The following MYBPH variants were observed in gnomAD, a reference collection of about 807,000 sequenced individuals.
The protein encoded by MYBPH is myosin binding protein H.
In MYBPH, 49 loss-of-function variants were observed where a neutral mutation model predicts 53.6. That is an observed-to-expected ratio of 0.91 (90% CI 0.73 to 1.16). The LOEUF (loss-of-function observed/expected upper bound fraction) is 1.16, where lower values mean the gene tolerates loss of function less well. MYBPH is among the 50% of genes most tolerant of loss of function. The probability of loss-of-function intolerance (pLI) is 0.00; values close to 1 mark genes in which losing one functional copy is unlikely to be tolerated. For synonymous variants in MYBPH, 239 were observed against 249.6 expected (o/e 0.96, Z 0.40); for missense variants, 558 against 624.1 (o/e 0.89, Z 1.13).
chr1:203,177,860 G>A (rs989808034), upstream of MYBPH, among the ~76,000 whole-genome samples: 4 of 152,202 alleles, frequency 2.6e-5, no homozygotes, highest in African/African-American at 9.6e-5. Context: ...TGAAATGCCG[G>A]GTACCCCCTC....
chr1:203,170,252 GGA>G, intron 7 of MYBPH, 37 bp downstream of exon 7: 1 of 1,611,072 alleles, frequency 6.2e-7, no homozygotes. Flanking sequence ...GCAGAGACAG[GGA>G]GAGAGTTAGC....
rs376686401 is a variant in MYBPH, at chr1:203,175,761, G to T, written c.-6C>A. 2 of 1,613,590 alleles carry T rather than the reference G, an allele frequency of 1.2e-6. No homozygotes were observed. The highest frequency in any genetic ancestry group is 2.7e-5 in the African/African-American group (2 of 74,914). ...GAGGTGTTTTTTTCCATCATTGCTG[G>T]ACTGGCTGGGGGGCCAGGGTGGAGT... On this transcript the variant is annotated 5_prime_UTR_variant, in exon 1 of 11. Coordinates refer to ENST00000255416, the MANE Select transcript of MYBPH (RefSeq NM_004997.3).
At position 203,171,453 on chromosome 1, in the gene MYBPH, A is replaced by G; in HGVS notation, c.723T>C (p.Ser241=). The G allele has an allele frequency of 2.5e-6, 4 of 1,614,024 alleles. No homozygotes were observed. The highest frequency in any genetic ancestry group is 3.4e-6 in the Non-Finnish European group (4 of 1,180,036). The change falls in exon 5 of 11, where the codon TCT becomes TCC. Residue 241 remains serine (S), a synonymous_variant. Transcript: ENST00000255416. This position sits in a 1 kb window ranked among gnomAD's most constrained non-coding sequence, Gnocchi z 4.2. ...LFIRSAQRSD[S]GRYELTVRVE... The stretch of plus-strand genomic sequence containing the variant: ...CGCGCACAGTGAGCTCGTAGCGGCC[A>G]GAGTCGGAGCGCTGGGCCGAGCGAA...
upstream of MYBPH, chr1:203,175,959 G>T (rs1436967111): frequency 8.5e-6 from 5 of 591,132 alleles, no homozygotes; most frequent in South Asian, 6.1e-5. Flanking sequence ...AATAGCTCTG[G>T]GGGAGGAACC....
In MYBPH at chr1:203,171,169, G is replaced by A. The variant is rs777879709; in HGVS notation, c.825C>T (p.Leu275=). 8 of 1,610,772 alleles carry A rather than the reference G, an allele frequency of 5.0e-6. No homozygotes were observed. In the East Asian group the frequency reaches 1.3e-4, roughly 27 times the overall value. The change falls in exon 6 of 11, where the codon CTC becomes CTT. Residue 275 remains leucine (L), a synonymous_variant. Transcript: ENST00000255416. This position sits in a 1 kb window ranked among gnomAD's most constrained non-coding sequence, Gnocchi z 4.2. ...CAGCATTGCAGCCCCAGACGTCCAG[G>A]AGCCTGATGCTGCTGGGGGGTCCAG... ...EKPGPPSSIR[L]LDVWGCNAAL...
chr1:203,171,348 C>T lies in MYBPH; in HGVS notation c.793+35G>A. 1 of 1,590,566 alleles carries T rather than the reference C, an allele frequency of 6.3e-7. No homozygotes were observed. Among genetic ancestry groups the T allele is most frequent in the Non-Finnish European group, 8.6e-7 (1 of 1,165,490 alleles). On this transcript the variant is annotated intron_variant, in intron 5 of 10. Coordinates refer to ENST00000255416, the MANE Select transcript of MYBPH (RefSeq NM_004997.3). The surrounding 1 kb of genome is among the most constrained non-coding windows in gnomAD (Gnocchi z 4.2). Reference sequence around the variant, plus strand: ...GATAGGAGGTTGGGGGCTCCAGGTCCCCCATGAGACAGCACTGTTCCCCTG... The same window carrying T: ...GATAGGAGGTTGGGGGCTCCAGGTCTCCCATGAGACAGCACTGTTCCCCTG...
upstream of MYBPH, among the ~76,000 whole-genome samples, chr1:203,176,483 T>C (rs1190719186): frequency 2.0e-5 from 3 of 152,208 alleles, no homozygotes; most frequent in African/African-American, 4.8e-5. Context: ...TGATGCCTGC[T>C]GTGGGCCTCA....
In MYBPH at chr1:203,171,149, T is replaced by C. The variant is rs925901369; in HGVS notation, c.845A>G (p.Asn282Ser). ...SIRLLDVWGC[N>S]AALQWTPPQD... is the part of the protein sequence containing the mutation. ...GGGTGGCGTCCACTGAAGAGCAGCA[T>C]TGCAGCCCCAGACGTCCAGGAGCCT... The change falls in exon 6 of 11, where the codon AAT becomes AGT. Residue 282 changes from asparagine to serine, a missense_variant. Asn to Ser is a conservative substitution (Grantham distance 46, BLOSUM62 1). Coordinates refer to ENST00000255416, the MANE Select transcript of MYBPH (RefSeq NM_004997.3). This position sits in a 1 kb window ranked among gnomAD's most constrained non-coding sequence, Gnocchi z 4.2. The C allele has an allele frequency of 1.2e-6, 2 of 1,613,342 alleles. No homozygotes were observed. Among genetic ancestry groups the C allele is most frequent in the Non-Finnish European group, 1.7e-6 (2 of 1,179,610 alleles).
At chr1:203,175,199 C>T in intron 2 of MYBPH, 128 bp downstream of exon 2, 1 of 1,200,598 alleles carries the variant, frequency 8.3e-7, no homozygotes, top group Middle Eastern at 2.1e-4. Flanking sequence ...GGTTGAGGAG[C>T]CTACTGCTCG....
Position 203,174,602 on chromosome 1 carries a change from G to T in MYBPH, c.341-5C>A. On this transcript the variant is annotated splice_region_variant and splice_polypyrimidine_tract_variant and intron_variant, in intron 2 of 10. Transcript: ENST00000255416. ...TCACAGGCACCCACTCCGAGGCTGA[G>T]GGGATGGAGAGAGTGTGAGGTCTTT... The T allele has an allele frequency of 6.3e-7, 1 of 1,590,384 alleles. No homozygotes were observed. The highest frequency in any genetic ancestry group is 8.6e-7 in the Non-Finnish European group (1 of 1,162,174).
Position 203,174,449 on chromosome 1 carries a change from G to A in MYBPH, c.489C>T (p.Ile163=). ...AGPPAMLDQP[I]HIRENIEAPK... is the part of the protein sequence containing the mutation. ...CTTTACCAATGTTCTCTCGGATGTG[G>A]ATGGGCTGGTCCAGCATGGCCGGCG... is the stretch of plus-strand genomic sequence containing the variant. Residue 163 remains isoleucine, a synonymous_variant, in exon 3 of 11, where the codon ATC becomes ATT. Transcript: ENST00000255416. 6.2e-7 allele frequency: 1 copy of A among 1,603,244 alleles called. No individual in the cohort carries two copies. Among genetic ancestry groups the A allele is most frequent in the Non-Finnish European group, 8.5e-7 (1 of 1,171,824 alleles).
upstream of MYBPH, among the ~76,000 whole-genome samples, chr1:203,177,621 T>C (rs903359): frequency 1.3e-5 from 2 of 152,100 alleles, no homozygotes; most frequent in Non-Finnish European, 2.9e-5. Context: ...TCCTGGAGAC[T>C]GGATCTCCAT....
In MYBPH at chr1:203,170,926, C is replaced by A. The variant is rs544322544; in HGVS notation, c.933+135G>T. The A allele has an allele frequency of 7.2e-6, 9 of 1,244,318 alleles. No homozygotes were observed. In the South Asian group the frequency reaches 1.4e-4, roughly 19 times the overall value. The allele number at this position is 1,244,318 out of a possible 1,614,324, so 77.1% of individuals were successfully genotyped here. On this transcript the variant is annotated intron_variant, in intron 6 of 10. Transcript: ENST00000255416. Reference sequence around the variant, plus strand: ...AGAGGAAGAGTCTTGCTAAGGGCCTCCTAGGGAGTCAGGTTAGCAGTGGGC... The same window carrying A: ...AGAGGAAGAGTCTTGCTAAGGGCCTACTAGGGAGTCAGGTTAGCAGTGGGC...
chr1:203,175,971 C>T (rs1655801549), upstream of MYBPH, among the ~76,000 whole-genome samples: 1 of 152,138 alleles, frequency 6.6e-6, no homozygotes, highest in Admixed American at 6.5e-5. Flanking sequence ...GGAGGAACCA[C>T]AAGGGCCCCT....
In MYBPH at chr1:203,171,520, C is replaced by T. The variant is rs144722431; in HGVS notation, c.656G>A (p.Arg219Gln). 140 of 1,613,736 alleles carry T rather than the reference C, an allele frequency of 8.7e-5. 1 individual carries two copies. In the African/African-American group the frequency reaches 1.3e-3, roughly 15 times the overall value. The change falls in exon 5 of 11, where the codon CGG (arginine) becomes CAG (glutamine). Residue 219 changes from arginine (R) to glutamine (Q), a missense_variant. Coordinates refer to ENST00000255416, the MANE Select transcript of MYBPH (RefSeq NM_004997.3). The surrounding 1 kb of genome is among the most constrained non-coding windows in gnomAD (Gnocchi z 4.2). Reference sequence around the variant, plus strand: ...CTGGTCCCCGGTGCGCATGCTCACCCGCTGGCTGTCCAGGGCATGGCCGTT... The same window carrying T: ...CTGGTCCCCGGTGCGCATGCTCACCTGCTGGCTGTCCAGGGCATGGCCGTT... ...THNGHALDSQ[R>Q]VSMRTGDQDS...
upstream of MYBPH, among the ~76,000 whole-genome samples, chr1:203,176,821 C>T (rs1388845381): frequency 2.6e-5 from 4 of 152,222 alleles, no homozygotes; most frequent in East Asian, 7.7e-4. Context: ...TTACTAGTGC[C>T]TAGTAAAATG....
At chr1:203,175,937 G>A (rs983048421), upstream of MYBPH, 21 of 614,654 alleles carry the variant, frequency 3.4e-5, no homozygotes, top group African/African-American at 3.7e-5. Context: ...GTGGAGAGGC[G>A]CCCAGGCCAG....
At chr1:203,175,863 G>T (rs1218094255), upstream of MYBPH, 4 of 1,113,296 alleles carry the variant, frequency 3.6e-6, no homozygotes, top group Admixed American at 4.3e-5. Context: ...TATAGTCAGG[G>T]GCTGCCCCAC....
Position 203,172,140 on chromosome 1 carries a change from G to A in MYBPH, c.509-100C>T, listed in dbSNP as rs1024708186. 6.1e-5 allele frequency: 44 copies of A among 722,634 alleles called. No individual in the cohort carries two copies. In the Middle Eastern group the frequency reaches 1.0e-3, roughly 17 times the overall value. 44.8% of individuals were successfully genotyped at this position (722,634 alleles called of 1,614,324 possible). ...ACAGCTGGTGAGGGATGCTGGCTGGGAGGAGGGTCCTGGGTGTGCCTGGCT... is the reference window on the plus strand; with the variant it reads ...ACAGCTGGTGAGGGATGCTGGCTGGAAGGAGGGTCCTGGGTGTGCCTGGCT... On this transcript the variant is annotated intron_variant, in intron 3 of 10. Transcript: ENST00000255416.
Sources: gnomAD v4.1 joint callset for allele counts (sites outside exome capture counted in the v4.1 genomes callset) on GRCh38, gnomAD v4.1.1 for gene constraint, Gnocchi (gnomAD v3.1) non-coding constraint, MANE v1.5 for transcripts, NCBI Gene and HGNC (gene_info 2026-07-23, HGNC 2026-07-21) for gene names.